The following BRCA1 variants were observed in gnomAD, a reference collection of about 807,000 sequenced individuals.
The protein encoded by BRCA1 is breast cancer type 1 susceptibility protein.
In BRCA1, 140 loss-of-function variants were observed where a neutral mutation model predicts 173.7. The observed-to-expected ratio is 0.81, with a 90% CI of 0.70 to 0.93. The LOEUF is 0.93. BRCA1 is among the 40% of genes least tolerant of loss of function. The pLI, the probability that BRCA1 is intolerant of heterozygous loss-of-function variation, is 0.00. For synonymous variants in BRCA1, 662 were observed against 756.0 expected (o/e 0.88, Z 2.04); for missense variants, 1,983 against 2,172.5 (o/e 0.91, Z 1.73).
intron 22 of BRCA1, among the ~76,000 whole-genome samples, chr17:43,047,319 C>T (rs991031068): frequency 5.3e-5 from 8 of 151,870 alleles, no homozygotes; most frequent in African/African-American, 1.7e-4. Flanking sequence ...AGGCTGGTCT[C>T]GAACTTCTAG....
chr17:43,091,199 A>T, intron 10 of BRCA1, 167 bp from the exon 11 acceptor site: 2 of 877,780 alleles, frequency 2.3e-6, no homozygotes, highest in Non-Finnish European at 3.6e-6. Context: ...AAATGAAACC[A>T]GAAGTAAGTC....
chr17:43,094,859 A>C lies in BRCA1; in HGVS notation c.672T>G (p.Ala224=), dbSNP rs1064794486. The C allele has an allele frequency of 4.4e-6, 7 of 1,608,272 alleles. No individual in the cohort carries two copies. Among genetic ancestry groups the C allele is most frequent in the Non-Finnish European group, 5.9e-6 (7 of 1,176,732 alleles). The change falls in exon 10 of 23, where the codon GCT becomes GCG. Residue 224 remains alanine, a splice_region_variant and synonymous_variant. Transcript: ENST00000357654. ...DEISLDSAKK[A]ACEFSETDVT... Reference sequence around the variant, plus strand: ...CATCCGTCTCAGAAAATTCACAAGCAGCTGAAAATATACAAAAATAACAAG... The same window carrying C: ...CATCCGTCTCAGAAAATTCACAAGCCGCTGAAAATATACAAAAATAACAAG...
intron 11 of BRCA1, among the ~76,000 whole-genome samples, chr17:43,088,382 T>TA (rs2053312307): frequency 6.6e-6 from 1 of 151,786 alleles, no homozygotes; most frequent in African/African-American, 2.4e-5. Context: ...TTTTTTTTTT[T>TA]AACTGCTCCT....
At position 43,074,449 on chromosome 17, in the gene BRCA1, A is replaced by G. The variant is rs876659243; in HGVS notation, c.4557T>C (p.Asn1519=). Residue 1519 remains asparagine, a synonymous_variant, in exon 14 of 23, where the codon AAT becomes AAC. Coordinates refer to ENST00000357654, the MANE Select transcript of BRCA1 (RefSeq NM_007294.4). The stretch of plus-strand genomic sequence containing the variant: ...GCTCCTCTTGAGATGGGTAGTTTCT[A>G]TTCTGAAGACTCCCAGAGCAACTGT... ...YMHSCSGSLQ[N]RNYPSQEELI... is the part of the protein sequence containing the mutation. The G allele has an allele frequency of 4.3e-6, 7 of 1,614,010 alleles. No homozygotes were observed. In the African/African-American group the frequency reaches 8.0e-5, roughly 18 times the overall value.
rs369925993 is a variant in BRCA1, at chr17:43,092,261, T to C, written c.3270A>G (p.Gln1090=). The C allele has an allele frequency of 1.4e-5, 23 of 1,613,676 alleles. No homozygotes were observed. The highest frequency in any genetic ancestry group is 1.9e-5 in the Non-Finnish European group (23 of 1,179,996). ...GAAGACTTTGTTTATAGACCTCAGG[T>C]TGCAAAACCCCTAATCTAAGCATAG... ...LNAMLRLGVL[Q]PEVYKQSLPG... is the part of the protein sequence containing the mutation. The change falls in exon 10 of 23, where the codon CAA becomes CAG. Residue 1090 remains glutamine (Q), a synonymous_variant. Transcript: ENST00000357654.
intron 3 of BRCA1, among the ~76,000 whole-genome samples, chr17:43,108,953 A>G (rs1206956354): frequency 6.6e-6 from 1 of 152,120 alleles, no homozygotes; most frequent in African/African-American, 2.4e-5. Flanking sequence ...AGATCGCGCC[A>G]TTGCACTCCA....
In BRCA1 at chr17:43,047,698, G is replaced by A. The variant is rs730881456; in HGVS notation, c.5412C>T (p.Val1804=). ...CTGGCTGCACAACCACAATTGGGTG[G>A]ACACCCTGGATCCCCAGGAAGGAAA... ...ELSSFTLGTG[V]HPIVVVQPDA... is the part of the protein sequence containing the mutation. Residue 1804 remains valine (V), a synonymous_variant, in exon 22 of 23, where the codon GTC becomes GTT. Transcript: ENST00000357654. 15 of 1,614,066 alleles carry A rather than the reference G, an allele frequency of 9.3e-6. No homozygotes were observed. Among genetic ancestry groups the A allele is most frequent in the Admixed American group, 5.0e-5 (3 of 60,000 alleles).
chr17:43,103,654 T>G (rs1156631247), intron 6 of BRCA1, among the ~76,000 whole-genome samples: 1 of 152,122 alleles, frequency 6.6e-6, no homozygotes, highest in Non-Finnish European at 1.5e-5. Context: ...TCAGGTACCC[T>G]GACCTTCTCT....
At chr17:43,105,947 T>C (rs1318299205) in intron 4 of BRCA1, among the ~76,000 whole-genome samples, 1 of 151,692 alleles carries the variant, frequency 6.6e-6, no homozygotes, top group Non-Finnish European at 1.5e-5. Context: ...GGCAACATGG[T>C]AAAACCTCAT....
At chr17:43,145,333 T>TTTTC (rs2154581518) in intron 1 of BRCA1, 1 of 337,766 alleles carries the variant, frequency 3.0e-6, no homozygotes, top group African/African-American at 3.0e-5. Context: ...TTCTTTCTTT[T>TTTTC]TTTTTTTTTT....
At chr17:43,125,181 C>G (rs2154579839) in intron 1 of BRCA1, 90 bp downstream of exon 1, 1 of 455,078 alleles carries the variant, frequency 2.2e-6, no homozygotes, top group Non-Finnish European at 4.4e-6. Flanking sequence ...TCAAAGAATA[C>G]CCATCTGTCA....
chr17:43,122,812 C>G (rs2055638113), intron 2 of BRCA1, among the ~76,000 whole-genome samples: 1 of 151,626 alleles, frequency 6.6e-6, no homozygotes, highest in African/African-American at 2.4e-5. Flanking sequence ...TTTGGGAGGC[C>G]CAGGCGGGTG....
At chr17:43,066,172 C>A (rs2052060494) in intron 16 of BRCA1, among the ~76,000 whole-genome samples, 1 of 152,160 alleles carries the variant, frequency 6.6e-6, no homozygotes, top group African/African-American at 2.4e-5. Flanking sequence ...GAAATGTGTA[C>A]TCAGATTTAG....
intron 1 of BRCA1, among the ~76,000 whole-genome samples, chr17:43,168,862 T>C (rs1199824169): frequency 3.9e-5 from 6 of 152,150 alleles, no homozygotes; most frequent in Non-Finnish European, 8.8e-5. Context: ...TCTCCAATGC[T>C]TCTGGCTGTT....
rs141625477 is a variant in BRCA1, at chr17:43,124,476, G to A, written c.-19-361C>T. ...CTTGCATAAAACCAAAATCAACAACGACCAAACCAACACCAATCAAGGCCT... is the reference window on the plus strand; with the variant it reads ...CTTGCATAAAACCAAAATCAACAACAACCAAACCAACACCAATCAAGGCCT... On this transcript the variant is annotated intron_variant, in intron 1 of 22. Coordinates refer to ENST00000357654, the MANE Select transcript of BRCA1 (RefSeq NM_007294.4). 2.0e-3 allele frequency among the ~76,000 whole-genome samples: 307 copies of A among 152,044 alleles called. 1 individual carries two copies. The highest frequency in any genetic ancestry group is 7.1e-3 in the African/African-American group (294 of 41,466).
intron 7 of BRCA1, among the ~76,000 whole-genome samples, chr17:43,098,661 C>T (rs1240881238): frequency 6.6e-5 from 10 of 151,568 alleles, no homozygotes; most frequent in African/African-American, 1.7e-4. Flanking sequence ...GCCACCGCAC[C>T]GGCCAAAAAT....
chr17:43,168,179 C>A, intron 1 of BRCA1: 1 of 400,436 alleles, frequency 2.5e-6, no homozygotes, highest in East Asian at 8.5e-5. Context: ...CCAGATTGGA[C>A]ACTGTAAGAT....
intron 1 of BRCA1, among the ~76,000 whole-genome samples, chr17:43,134,100 C>G (rs1237862553): frequency 6.6e-6 from 1 of 152,256 alleles, no homozygotes; most frequent in African/African-American, 2.4e-5. Flanking sequence ...GAATACCTCT[C>G]AAGTTCTCCT....
intron 17 of BRCA1, 111 bp from the exon 18 acceptor site, chr17:43,063,484 G>A: frequency 2.2e-6 from 2 of 897,638 alleles, no homozygotes; most frequent in Non-Finnish European, 3.6e-6. Flanking sequence ...TGACAGAGGA[G>A]AGGTCCTTCC....
Sources: allele counts gnomAD v4.1 joint callset (sites outside exome capture counted in the v4.1 genomes callset), GRCh38; gene constraint gnomAD v4.1.1; transcripts MANE v1.5; gene names NCBI Gene and HGNC (gene_info 2026-07-23, HGNC 2026-07-21).